The following IGF1R variants were observed in gnomAD, a reference collection of about 807,000 sequenced individuals.
IGF1R encodes insulin like growth factor 1 receptor.
IGF1R carries 44 observed loss-of-function variants against 144.6 expected under a neutral mutation model. The ratio of observed to expected loss-of-function variants is 0.30; its 90% CI spans 0.24 to 0.39. The LOEUF (loss-of-function observed/expected upper bound fraction) is 0.39, where lower values mean the gene tolerates loss of function less well. Ranked by LOEUF, IGF1R falls within the 10% of genes least tolerant of loss-of-function variation. The probability of loss-of-function intolerance (pLI) is 1.00; values close to 1 mark genes in which losing one functional copy is unlikely to be tolerated. For missense variants in IGF1R, 1,355 were observed against 1,833.7 expected, an observed-to-expected ratio of 0.74 and a Z score of 4.77; for synonymous variants, 795 against 722.8, an observed-to-expected ratio of 1.10 and a Z score of -1.60.
chr15:98,682,296 T>C (rs1392002406), intron 1 of IGF1R, among the ~76,000 whole-genome samples: 1 of 152,178 alleles, frequency 6.6e-6, no homozygotes, highest in Admixed American at 6.5e-5. Flanking sequence ...ACTGTCCCTC[T>C]CATGTTTGCT....
chr15:98,825,460 G>A (rs2056876082), intron 2 of IGF1R, among the ~76,000 whole-genome samples: 3 of 152,234 alleles, frequency 2.0e-5, no homozygotes, highest in African/African-American at 7.2e-5. Context: ...ACAGCAGGAG[G>A]TGAGTGGCAG....
At chr15:98,671,168 C>T (rs1305097054) in intron 1 of IGF1R, among the ~76,000 whole-genome samples, 1 of 152,230 alleles carries the variant, frequency 6.6e-6, no homozygotes, top group Non-Finnish European at 1.5e-5. Flanking sequence ...TCCAAATCTG[C>T]ATGTCTGAAA....
At position 98,962,353 on chromosome 15, in the gene IGF1R, T is replaced by C. The variant is rs1248329721; in HGVS notation, c.*4911T>C. ...TAATGTTCCTCTGTGTTGTCAGCTG[T>C]CTTCATTTCCTGGGCTAAGCAGCAT... is the stretch of plus-strand genomic sequence containing the variant. On this transcript the variant is annotated 3_prime_UTR_variant, in exon 21 of 21. Coordinates refer to ENST00000650285, the MANE Select transcript of IGF1R (RefSeq NM_000875.5). The C allele has an allele frequency of 4.3e-6, 1 of 233,478 alleles. No homozygotes were observed. 14.5% of individuals were successfully genotyped at this position (233,478 alleles called of 1,614,324 possible). A position where few individuals can be genotyped will look rare whatever the true frequency, so the allele number is the denominator to read the frequency against.
intron 17 of IGF1R, among the ~76,000 whole-genome samples, chr15:98,938,907 T>TA (rs1319631847): frequency 1.3e-5 from 2 of 152,148 alleles, no homozygotes; most frequent in African/African-American, 2.4e-5. Flanking sequence ...TGTTTCACTT[T>TA]AAAAAAATGT....
chr15:98,841,141 T>C (rs1285174848), intron 2 of IGF1R, among the ~76,000 whole-genome samples: 1 of 152,206 alleles, frequency 6.6e-6, no homozygotes. Flanking sequence ...CTAGTGCATT[T>C]CTTCTTCAGG....
chr15:98,929,750 A>G, intron 14 of IGF1R, 90 bp downstream of exon 14: 1 of 925,154 alleles, frequency 1.1e-6, no homozygotes, highest in Admixed American at 1.8e-5. Context: ...GAAGATTTCA[A>G]GGAAATATTT....
At chr15:98,914,260 G>A (rs1037653547) in intron 8 of IGF1R, among the ~76,000 whole-genome samples, 4 of 151,774 alleles carry the variant, frequency 2.6e-5, no homozygotes, top group African/African-American at 7.3e-5. Flanking sequence ...ATTTTGACAT[G>A]TGAGTTTTGG....
At chr15:98,910,592 G>T (rs1047689005) in intron 6 of IGF1R, among the ~76,000 whole-genome samples, 1 of 152,152 alleles carries the variant, frequency 6.6e-6, no homozygotes, top group Admixed American at 6.5e-5. Context: ...TCTTTCCCTG[G>T]TCCTTATCGT....
intron 2 of IGF1R, among the ~76,000 whole-genome samples, chr15:98,848,149 C>T (rs76915417): frequency 2.0e-5 from 3 of 152,142 alleles, no homozygotes; most frequent in Admixed American, 1.3e-4. Context: ...CTGAGTATCC[C>T]TGTGGTCCAG....
Position 98,728,166 on chromosome 15 carries a change from C to T in IGF1R, c.640+20059C>T, listed in dbSNP as rs60339769. Among the ~76,000 whole-genome samples, 1,294 of 152,202 alleles carry T rather than the reference C, an allele frequency of 8.5e-3. 26 individuals are homozygous for T. Among genetic ancestry groups the T allele is most frequent in the African/African-American group, 0.03 (1,232 of 41,554 alleles). ...ACTAAGTATTTTTGCTCTGAGCTTT[C>T]CTGGATCTGTAAACACACCCCCAGC... On this transcript the variant is annotated intron_variant, in intron 2 of 20. Coordinates refer to ENST00000650285, the MANE Select transcript of IGF1R (RefSeq NM_000875.5).
At chr15:98,906,816 G>C (rs1413774512) in intron 5 of IGF1R, among the ~76,000 whole-genome samples, 2 of 152,238 alleles carry the variant, frequency 1.3e-5, no homozygotes, top group Non-Finnish European at 2.9e-5. Context: ...CCAGAGGCCT[G>C]AAGATGGGCG....
intron 2 of IGF1R, among the ~76,000 whole-genome samples, chr15:98,717,186 T>G (rs2141274761): frequency 6.6e-6 from 1 of 152,344 alleles, no homozygotes; most frequent in South Asian, 2.1e-4. Flanking sequence ...CTTGAGATAG[T>G]GCCATCTGTT....
chr15:98,689,115 T>G (rs564819839), intron 1 of IGF1R, among the ~76,000 whole-genome samples: 1 of 152,254 alleles, frequency 6.6e-6, no homozygotes, highest in South Asian at 2.1e-4. Context: ...AAATAGCAGT[T>G]TTTCATCTTC....
At chr15:98,922,489 T>A (rs1249204365) in intron 11 of IGF1R, 58 bp downstream of exon 11, 7 of 1,584,288 alleles carry the variant, frequency 4.4e-6, no homozygotes, top group Non-Finnish European at 5.1e-6. Context: ...GTGGAGAAGA[T>A]GTGTTTTATG....
chr15:98,955,098 C>T (rs2016927064), intron 20 of IGF1R, among the ~76,000 whole-genome samples: 1 of 152,160 alleles, frequency 6.6e-6, no homozygotes, highest in South Asian at 2.1e-4. Context: ...CTTCTGTTCC[C>T]TCATCTGTAA....
chr15:98,859,501 A>G (rs1245490432), intron 2 of IGF1R, among the ~76,000 whole-genome samples: 1 of 152,228 alleles, frequency 6.6e-6, no homozygotes, highest in African/African-American at 2.4e-5. Context: ...ATTAAAATGA[A>G]ACTTTCCAGT....
At chr15:98,906,739 C>T (rs1349506064) in intron 5 of IGF1R, among the ~76,000 whole-genome samples, 2 of 152,324 alleles carry the variant, frequency 1.3e-5, no homozygotes, top group East Asian at 3.9e-4. Context: ...AGGAGGGAGC[C>T]CTTACTGAAA....
At chr15:98,653,443 ACAGTT>A (rs2052417126) in intron 1 of IGF1R, among the ~76,000 whole-genome samples, 1 of 152,238 alleles carries the variant, frequency 6.6e-6, no homozygotes, top group Non-Finnish European at 1.5e-5. Flanking sequence ...GATGAACAGA[ACAGTT>A]CATTTTAATG....
At chr15:98,910,539 C>T (rs924107476) in intron 6 of IGF1R, among the ~76,000 whole-genome samples, 8 of 152,198 alleles carry the variant, frequency 5.3e-5, no homozygotes, top group East Asian at 1.9e-4. Flanking sequence ...AAGGACAATT[C>T]GTCAGAGAGC....
Sources: gnomAD v4.1 joint callset for allele counts (sites outside exome capture counted in the v4.1 genomes callset) on GRCh38, gnomAD v4.1.1 for gene constraint, MANE v1.5 for transcripts, NCBI Gene and HGNC (gene_info 2026-07-23, HGNC 2026-07-21) for gene names.